B3GAT1: variants seen among roughly 807,000 people sequenced by gnomAD.
The protein encoded by B3GAT1 is galactosylgalactosylxylosylprotein 3-beta-glucuronosyltransferase 1.
A neutral mutation model predicts 28.4 loss-of-function variants in B3GAT1; 11 were observed. That is an observed-to-expected ratio of 0.39 (90% CI 0.24 to 0.64). The LOEUF is 0.64. Ranked by LOEUF, B3GAT1 falls within the 30% of genes least tolerant of loss-of-function variation. The pLI, the probability that B3GAT1 is intolerant of heterozygous loss-of-function variation, is 0.50. For missense variants in B3GAT1, 375 were observed against 491.0 expected, an observed-to-expected ratio of 0.76 and a Z score of 2.23; for synonymous variants, 255 against 223.1, an observed-to-expected ratio of 1.14 and a Z score of -1.27.
chr11:134,382,527 T>A (rs116345317), intron 4 of B3GAT1, among the ~76,000 whole-genome samples, 183 bp downstream of exon 4: 1 of 152,234 alleles, frequency 6.6e-6, no homozygotes, highest in South Asian at 2.1e-4. Context: ...TGGCCATTGC[T>A]CTCCCTTTCC....
At chr11:134,391,524 C>T (rs892114149) in intron 1 of B3GAT1, 2 of 152,310 alleles carry the variant, frequency 1.3e-5, no homozygotes, top group Non-Finnish European at 2.9e-5. Flanking sequence ...TAACAAGGAC[C>T]CCAGAATGGC....
At chr11:134,394,902 C>CT (rs1565455414) in intron 1 of B3GAT1, among the ~76,000 whole-genome samples, 1 of 152,106 alleles carries the variant, frequency 6.6e-6, no homozygotes, top group Non-Finnish European at 1.5e-5. Flanking sequence ...CTTTGTTTTT[C>CT]TTTTTTTCAG....
intron 1 of B3GAT1, among the ~76,000 whole-genome samples, chr11:134,406,884 C>T (rs527774453): frequency 1.6e-4 from 24 of 145,712 alleles, no homozygotes; most frequent in South Asian, 4.2e-4. Flanking sequence ...AGGCTCCGGT[C>T]CACAACACTC....
chr11:134,385,318 C>A (rs924950059), intron 2 of B3GAT1: 1 of 152,372 alleles, frequency 6.6e-6, no homozygotes, highest in Non-Finnish European at 1.5e-5. Context: ...CTGCTGCCTC[C>A]CTCCGGCCAC....
chr11:134,387,770 C>G lies in B3GAT1; in HGVS notation c.-111G>C. On this transcript the variant is annotated 5_prime_UTR_variant, in exon 2 of 6. Transcript: ENST00000312527. Reference sequence around the variant, plus strand: ...AGGGGAGAAAAGAACAGGCATGGGCCGGGCCGGCCAGGCATGGAGAGGACA... The same window carrying G: ...AGGGGAGAAAAGAACAGGCATGGGCGGGGCCGGCCAGGCATGGAGAGGACA... 6.4e-7 allele frequency: 1 copy of G among 1,551,346 alleles called. No homozygotes were observed.
intron 1 of B3GAT1, chr11:134,390,083 C>T (rs1272254459): frequency 1.4e-5 from 2 of 142,926 alleles, no homozygotes; most frequent in South Asian, 4.3e-4. Context: ...GTCACAGGCA[C>T]GTAGTTCCCC....
rs1408377819 is a variant in B3GAT1 at position 134,382,917 on chromosome 11, C to T, written c.711G>A (p.Lys237=). The stretch of plus-strand genomic sequence containing the variant: ...CAAACACCGTCTTCCAGCCGACCAC[C>T]TTCCCTGCCCCGTTCACCCGTGGGG... ...YEAPRVNGAG[K]VVGWKTVFDP... is the part of the protein sequence containing the mutation. The change falls in exon 4 of 6, where the codon AAG becomes AAA. Residue 237 remains lysine, a synonymous_variant. Transcript: ENST00000312527. 1 of 1,612,708 alleles carries T rather than the reference C, an allele frequency of 6.2e-7. No homozygotes were observed. The highest frequency in any genetic ancestry group is 8.5e-7 in the Non-Finnish European group (1 of 1,179,466).
intron 1 of B3GAT1, among the ~76,000 whole-genome samples, chr11:134,402,008 G>A (rs1944626596): frequency 6.6e-6 from 1 of 151,864 alleles, no homozygotes; most frequent in Non-Finnish European, 1.5e-5. Context: ...TCGGGAGGCG[G>A]GGCCCCTGGA....
chr11:134,398,477 T>C (rs929812370), intron 1 of B3GAT1, among the ~76,000 whole-genome samples: 2 of 150,764 alleles, frequency 1.3e-5, no homozygotes, highest in African/African-American at 5.0e-5. Flanking sequence ...GCAGTACTGA[T>C]TTATGGCTTC....
At chr11:134,392,686 T>C (rs929293267) in intron 1 of B3GAT1, among the ~76,000 whole-genome samples, 1 of 152,060 alleles carries the variant, frequency 6.6e-6, no homozygotes, top group Non-Finnish European at 1.5e-5. Flanking sequence ...AATTTGTCTA[T>C]GGGTTTTAGG....
intron 1 of B3GAT1, among the ~76,000 whole-genome samples, chr11:134,397,769 C>T (rs1207209438): frequency 6.6e-6 from 1 of 152,248 alleles, no homozygotes; most frequent in Non-Finnish European, 1.5e-5. Context: ...GTCAACTGCT[C>T]CCTTGCCTGG....
chr11:134,400,505 T>C (rs1944592066), intron 1 of B3GAT1, among the ~76,000 whole-genome samples: 3 of 152,190 alleles, frequency 2.0e-5, no homozygotes, highest in Admixed American at 6.5e-5. Context: ...CAGTGGTGAA[T>C]ACAAACACCA....
At chr11:134,385,647 T>C (rs996200915) in intron 2 of B3GAT1, 1 of 151,902 alleles carries the variant, frequency 6.6e-6, no homozygotes, top group Non-Finnish European at 1.5e-5. Flanking sequence ...GAGAGGAAGT[T>C]TGGAGCCACT....
intron 1 of B3GAT1, among the ~76,000 whole-genome samples, chr11:134,397,333 A>C (rs1012590462): frequency 5.9e-5 from 9 of 152,146 alleles, no homozygotes; most frequent in African/African-American, 1.4e-4. Flanking sequence ...CAACGTACCC[A>C]GCCTGGCACT....
At chr11:134,390,590 T>G (rs890378749) in intron 1 of B3GAT1, 1 of 152,230 alleles carries the variant, frequency 6.6e-6, no homozygotes, top group Non-Finnish European at 1.5e-5. Flanking sequence ...CTGTTGTTTA[T>G]ACAAACTTCC....
intron 1 of B3GAT1, among the ~76,000 whole-genome samples, chr11:134,396,390 A>AC (rs1373908136): frequency 6.6e-6 from 1 of 151,444 alleles, no homozygotes; most frequent in Non-Finnish European, 1.5e-5. Flanking sequence ...GCCTTCTGCC[A>AC]CCCCCCTGCC....
At chr11:134,382,616 T>C (rs1344617175) in intron 4 of B3GAT1, 94 bp downstream of exon 4, 3 of 1,446,552 alleles carry the variant, frequency 2.1e-6, no homozygotes, top group South Asian at 1.4e-5. Context: ...CCAGGCTATT[T>C]TGAGGCCTCT....
intron 2 of B3GAT1, 61 bp downstream of exon 2, chr11:134,387,487 G>T: frequency 6.3e-7 from 1 of 1,599,434 alleles, no homozygotes; most frequent in Non-Finnish European, 8.5e-7. Flanking sequence ...CTGCGTGTCA[G>T]CTGTGGTCAC....
chr11:134,387,559 G>A lies in B3GAT1; in HGVS notation c.101C>T (p.Ala34Val), dbSNP rs200111033. The change falls in exon 2 of 6, where the codon GCG (alanine) becomes GTG (valine). Residue 34 changes from alanine to valine, a missense_variant. By Grantham distance (64) the Ala-to-Val change is moderately conservative. Transcript: ENST00000312527. ...GCGTGCGTGCTCACCCTTATGTACC[G>A]CGAGCAGGGGTGCGAGGGTGCTCTG... ...WHQSTLAPLL[A>V]VHKDEGSDPR... The A allele has an allele frequency of 1.1e-4, 171 of 1,613,860 alleles. No homozygotes were observed. The highest frequency in any genetic ancestry group is 1.6e-4 in the South Asian group (15 of 91,066).
Sources: allele counts gnomAD v4.1 joint callset (sites outside exome capture counted in the v4.1 genomes callset), GRCh38; gene constraint gnomAD v4.1.1; transcripts MANE v1.5; gene names NCBI Gene and HGNC (gene_info 2026-07-23, HGNC 2026-07-21).